ADAR: variants seen among roughly 807,000 people sequenced by gnomAD.
ADAR encodes adenosine deaminase RNA specific.
In ADAR, 41 loss-of-function variants were observed where a neutral mutation model predicts 113.2. The observed-to-expected ratio is 0.36, with a 90% CI of 0.28 to 0.47. The LOEUF (loss-of-function observed/expected upper bound fraction) is 0.47. ADAR is among the 20% of genes least tolerant of loss of function. The probability of loss-of-function intolerance (pLI) is 1.00; values close to 1 mark genes in which losing one functional copy is unlikely to be tolerated. For missense variants in ADAR, 1,242 were observed against 1,540.9 expected (o/e 0.81, Z 3.25); for synonymous variants, 605 against 572.6 (o/e 1.06, Z -0.81).
At chr1:154,624,013 C>CA (rs558257086) in intron 1 of ADAR, among the ~76,000 whole-genome samples, 5,119 of 92,140 alleles carry the variant, frequency 0.056, 136 homozygotes, top group Non-Finnish European at 0.07. Flanking sequence ...GACTCCATCT[C>CA]AAAAAAAAAA....
At chr1:154,593,573 T>G (rs1697308086) in intron 6 of ADAR, among the ~76,000 whole-genome samples, 1 of 152,146 alleles carries the variant, frequency 6.6e-6, no homozygotes, top group South Asian at 2.1e-4. Context: ...ACTGAACCTA[T>G]CATCTGAAGG....
intron 1 of ADAR, among the ~76,000 whole-genome samples, chr1:154,627,051 C>A (rs1698959471): frequency 6.6e-6 from 1 of 152,162 alleles, no homozygotes; most frequent in Admixed American, 6.5e-5. Context: ...CAAGTCTCCT[C>A]CCGTGGCAGC....
At chr1:154,585,546 G>T in intron 13 of ADAR, 1 of 921,902 alleles carries the variant, frequency 1.1e-6, no homozygotes, top group Non-Finnish European at 1.7e-6. Flanking sequence ...ACTAAGAGAA[G>T]AAAAGCCCTT....
chr1:154,602,534 G>C lies in ADAR; in HGVS notation c.108C>G (p.Pro36=). The change falls in exon 2 of 15, where the codon CCC becomes CCG. Residue 36 remains proline (P), a synonymous_variant. Transcript: ENST00000368474. ...RYQQPGPGSS[P]SSFLLKQIEF... is the part of the protein sequence containing the mutation. ...CTATTTGCTTAAGCAGGAAACTACT[G>C]GGGGAAGATCCTGGCCCAGGCTGCT... The C allele has an allele frequency of 6.2e-7, 1 of 1,614,212 alleles. No individual in the cohort carries two copies. The highest frequency in any genetic ancestry group is 1.3e-5 in the African/African-American group (1 of 75,064).
Position 154,601,011 on chromosome 1 carries a change from C to T in ADAR, c.1601+30G>A. On this transcript the variant is annotated intron_variant, in intron 2 of 14. Coordinates refer to ENST00000368474, the MANE Select transcript of ADAR (RefSeq NM_001111.5). This position sits in a 1 kb window ranked among gnomAD's most constrained non-coding sequence, Gnocchi z 4.7. ...AGGAGCAAAAGCACCTGACCCCAAC[C>T]CTAGGTACAGTTCCTGGGTGGTCTC... The T allele has an allele frequency of 2.5e-6, 4 of 1,613,650 alleles. No individual in the cohort carries two copies. Among genetic ancestry groups the T allele is most frequent in the Non-Finnish European group, 3.4e-6 (4 of 1,180,036 alleles).
chr1:154,619,959 A>T (rs1451601710), intron 1 of ADAR, among the ~76,000 whole-genome samples: 1 of 152,198 alleles, frequency 6.6e-6, no homozygotes, highest in Non-Finnish European at 1.5e-5. Flanking sequence ...CCACAAAAAG[A>T]CTTGTACAAG....
chr1:154,624,076 G>A (rs565337700), intron 1 of ADAR, among the ~76,000 whole-genome samples: 11 of 152,076 alleles, frequency 7.2e-5, no homozygotes, highest in East Asian at 1.9e-4. Context: ...AAACGGAGCC[G>A]AAAAAGGAAG....
intron 14 of ADAR, 62 bp downstream of exon 14, chr1:154,585,155 T>C (rs2101559147): frequency 6.2e-7 from 1 of 1,613,684 alleles, no homozygotes; most frequent in Non-Finnish European, 8.5e-7. Context: ...TGCAGAGGTA[T>C]GATGCACCCT....
Position 154,584,372 on chromosome 1 carries a change from C to T in ADAR, c.*434G>A, listed in dbSNP as rs554591220. 21 of 172,536 alleles carry T rather than the reference C, an allele frequency of 1.2e-4. No homozygotes were observed. The highest frequency in any genetic ancestry group is 3.4e-4 in the African/African-American group (14 of 41,710). 10.7% of individuals were successfully genotyped at this position (172,536 alleles called of 1,614,324 possible). ...GAAAGAGGGGAAGTAGAGGGGTCTG[C>T]GTAATCCACAAATGAAATTATCAGT... On this transcript the variant is annotated 3_prime_UTR_variant, in exon 15 of 15. Coordinates refer to ENST00000368474, the MANE Select transcript of ADAR (RefSeq NM_001111.5).
In ADAR at chr1:154,600,006, G is replaced by GT. The variant is rs200152984; in HGVS notation, c.1601+1034dup. Among the ~76,000 whole-genome samples the GT allele has an allele frequency of 5.9e-3, 893 of 152,292 alleles. 34 individuals are homozygous for GT. Among genetic ancestry groups the GT allele is most frequent in the Admixed American group, 0.056 (855 of 15,304 alleles). ...TAGCAGCACAACCCACCCCCACTGT[G>GT]TATGCAGCCTGCCCCAACCCACCTG... On this transcript the variant is annotated intron_variant, in intron 2 of 14. Transcript: ENST00000368474.
intron 13 of ADAR, 79 bp from the exon 14 acceptor site, chr1:154,585,423 A>T: frequency 6.2e-7 from 1 of 1,601,114 alleles, no homozygotes. Context: ...CAAGACTCAT[A>T]GGAGAGAGGA....
At chr1:154,605,721 C>T (rs1395110099) in intron 1 of ADAR, among the ~76,000 whole-genome samples, 1 of 152,082 alleles carries the variant, frequency 6.6e-6, no homozygotes, top group African/African-American at 2.4e-5. Flanking sequence ...TTTCTTGTTC[C>T]TCTTGCTGCA....
chr1:154,601,047 T>A lies in ADAR; in HGVS notation c.1595A>T (p.Glu532Val), dbSNP rs1697838991. Residue 532 changes from glutamate to valine, a missense_variant, in exon 2 of 15, where the codon GAA becomes GTA. Around this residue, in one of 2 missense-constraint regions of ADAR, gnomAD observed 780 missense variants for 1,057.9 expected, o/e 0.74. Coordinates refer to ENST00000368474, the MANE Select transcript of ADAR (RefSeq NM_001111.5). This position sits in a 1 kb window ranked among gnomAD's most constrained non-coding sequence, Gnocchi z 4.7. The stretch of plus-strand genomic sequence containing the variant: ...TTCCTGGGTGGTCTCTTACCGAGGT[T>A]CATGGGGTGGTCCACTCTGCTCTAT... Reference protein sequence around the residue: ...NMIEQSGPPHEPRFKFQVVIN... With the variant: ...NMIEQSGPPHVPRFKFQVVIN... The A allele has an allele frequency of 6.2e-7, 1 of 1,614,022 alleles. No individual in the cohort carries two copies. Among genetic ancestry groups the A allele is most frequent in the Non-Finnish European group, 8.5e-7 (1 of 1,180,044 alleles).
rs751778442 is a variant in ADAR, at chr1:154,584,814, G to A, written c.3673C>T (p.Pro1225Ser). ...PQEEKNFYLC[P>S]V is the part of the protein sequence containing the mutation. ...TCTGTCACTGGAGCATACTATACTGGGCAGAGATAAAAGTTCTTTTCCTCC... is the reference window on the plus strand; with the variant it reads ...TCTGTCACTGGAGCATACTATACTGAGCAGAGATAAAAGTTCTTTTCCTCC... Residue 1225 changes from proline to serine, a missense_variant, in exon 15 of 15, where the codon CCA (proline) becomes TCA (serine). Transcript: ENST00000368474. 6 of 1,613,012 alleles carry A rather than the reference G, an allele frequency of 3.7e-6. No individual in the cohort carries two copies. Among genetic ancestry groups the A allele is most frequent in the Non-Finnish European group, 5.1e-6 (6 of 1,179,272 alleles).
chr1:154,615,478 T>C (rs1698608995), intron 1 of ADAR, among the ~76,000 whole-genome samples: 1 of 152,200 alleles, frequency 6.6e-6, no homozygotes, highest in African/African-American at 2.4e-5. Flanking sequence ...GGTACAGTCA[T>C]GTCTCACTGC....
At chr1:154,606,794 G>A (rs1038596059) in intron 1 of ADAR, among the ~76,000 whole-genome samples, 9 of 151,970 alleles carry the variant, frequency 5.9e-5, no homozygotes, top group Admixed American at 4.6e-4. Flanking sequence ...ACTTTAATCT[G>A]GTCTCACATA....
rs764506305 is a variant in ADAR, at chr1:154,598,422, T to C, written c.1765A>G (p.Thr589Ala). 45 of 1,614,096 alleles carry C rather than the reference T, an allele frequency of 2.8e-5. No homozygotes were observed. Among genetic ancestry groups the C allele is most frequent in the Non-Finnish European group, 3.6e-5 (43 of 1,180,048 alleles). Residue 589 changes from threonine (T) to alanine (A), a missense_variant, in exon 3 of 15, where the codon ACA (threonine) becomes GCA (alanine). Physicochemically the swap from Thr to Ala is moderately conservative, Grantham distance 58 (BLOSUM62 0). This residue lies in a region of ADAR where 780 missense variants were observed against 1,057.9 expected (regional missense o/e 0.74). Transcript: ENST00000368474. ...GKSEESSHYS[T>A]EKESEKTAES... The stretch of plus-strand genomic sequence containing the variant: ...CCTACCTTCTCTGATTCTTTCTCTG[T>C]GGAATAGTGGGATGATTCTTCTGAT...
chr1:154,625,719 C>G (rs1358006042), intron 1 of ADAR, among the ~76,000 whole-genome samples: 1 of 150,718 alleles, frequency 6.6e-6, no homozygotes, highest in Admixed American at 6.6e-5. Flanking sequence ...ATTAGCCGGG[C>G]ATAGGCCAGG....
chr1:154,603,325 A>G (rs1698002575), intron 1 of ADAR, among the ~76,000 whole-genome samples: 1 of 152,208 alleles, frequency 6.6e-6, no homozygotes, highest in Non-Finnish European at 1.5e-5. Flanking sequence ...CAGGAGGATC[A>G]GAATTTGGTC....
Sources: gnomAD v4.1 joint callset for allele counts (sites outside exome capture counted in the v4.1 genomes callset) on GRCh38, gnomAD v4.1.1 for gene constraint, gnomAD v4.1.1 regional missense constraint, Gnocchi (gnomAD v3.1) non-coding constraint, MANE v1.5 for transcripts, NCBI Gene and HGNC (gene_info 2026-07-23, HGNC 2026-07-21) for gene names.